Variants in TDRD7 observed in about 807,000 individuals in gnomAD.
TDRD7 encodes the protein tudor domain containing 7.
TDRD7 carries 47 observed loss-of-function variants against 109.8 expected under a neutral mutation model. The ratio of observed to expected loss-of-function variants is 0.43; its 90% confidence interval spans 0.34 to 0.55. The LOEUF is 0.55. Among genes scored for constraint, TDRD7 ranks in the 20% least tolerant of loss-of-function variants. The probability of loss-of-function intolerance (pLI) is 0.03; values close to 1 mark genes in which losing one functional copy is unlikely to be tolerated. For synonymous variants in TDRD7, 424 were observed against 457.3 expected (o/e 0.93, Z 0.93); for missense variants, 1,164 against 1,319.2 (o/e 0.88, Z 1.82).
At chr9:97,442,676 T>C (rs966547688) in intron 6 of TDRD7, among the ~76,000 whole-genome samples, 7 of 152,232 alleles carry the variant, frequency 4.6e-5, no homozygotes, top group Non-Finnish European at 8.8e-5. Context: ...TGCATGAGGA[T>C]TATGTATGCT....
intron 16 of TDRD7, among the ~76,000 whole-genome samples, chr9:97,488,583 T>TTTTTCTTTTTAA (rs1829252354): frequency 6.6e-6 from 1 of 151,898 alleles, no homozygotes; most frequent in Admixed American, 6.5e-5. Flanking sequence ...TTTTTTTGTT[T>TTTTTCTTTTTAA]TCACTTTCTA....
intron 12 of TDRD7, among the ~76,000 whole-genome samples, chr9:97,476,866 G>A (rs1429881539): frequency 6.6e-6 from 1 of 152,042 alleles, no homozygotes; most frequent in Non-Finnish European, 1.5e-5. Context: ...TAATTGAATT[G>A]ATTTTTTTCA....
At chr9:97,433,821 A>G (rs773288280) in intron 4 of TDRD7, among the ~76,000 whole-genome samples, 4 of 152,166 alleles carry the variant, frequency 2.6e-5, no homozygotes, top group Non-Finnish European at 4.4e-5. Context: ...ACCACTTCCC[A>G]CCCAGTAGTA....
intron 10 of TDRD7, 140 bp from the exon 11 acceptor site, chr9:97,473,352 A>G (rs1828954636): frequency 8.8e-7 from 1 of 1,138,886 alleles, no homozygotes; most frequent in South Asian, 1.3e-5. Flanking sequence ...TATAAATTGC[A>G]TTTCATCTTA....
At chr9:97,452,446 T>G (rs982237712) in intron 6 of TDRD7, among the ~76,000 whole-genome samples, 12 of 152,166 alleles carry the variant, frequency 7.9e-5, no homozygotes, top group African/African-American at 2.9e-4. Context: ...ACAAGTGAAA[T>G]GTAGGCACAT....
At chr9:97,485,810 C>G (rs1829202626) in intron 15 of TDRD7, among the ~76,000 whole-genome samples, 1 of 152,006 alleles carries the variant, frequency 6.6e-6, no homozygotes, top group Non-Finnish European at 1.5e-5. Flanking sequence ...AATGAAGAGC[C>G]CAGGTGGGAC....
chr9:97,480,478 CA>C, intron 13 of TDRD7: 1 of 285,546 alleles, frequency 3.5e-6, no homozygotes, highest in South Asian at 4.0e-5. Flanking sequence ...ATAAAAGTCC[CA>C]ACCCTGTCTT....
At position 97,456,246 on chromosome 9, in the gene TDRD7, T is replaced by C. The variant is rs113229972; in HGVS notation, c.856-3932T>C. ...ATCAATATCATGAAAATGGCCATACTGCCCAAAGTGATTTCTAGATTAAAT... is the reference window on the plus strand; with the variant it reads ...ATCAATATCATGAAAATGGCCATACCGCCCAAAGTGATTTCTAGATTAAAT... On this transcript the variant is annotated intron_variant, in intron 6 of 16. Transcript: ENST00000355295. 8.2e-3 allele frequency among the ~76,000 whole-genome samples: 1,255 copies of C among 152,326 alleles called. 43 individuals carry two copies. The East Asian group carries it at 0.11, about 13-fold the overall frequency.
intron 1 of TDRD7, among the ~76,000 whole-genome samples, chr9:97,427,780 C>A (rs192331472): frequency 6.6e-6 from 1 of 152,178 alleles, no homozygotes; most frequent in Admixed American, 6.5e-5. Context: ...TTCCTAAGGC[C>A]CTGTATTGTG....
At chr9:97,490,909 CTTTTT>C (rs1174656625) in intron 16 of TDRD7, among the ~76,000 whole-genome samples, 1 of 77,646 alleles carries the variant, frequency 1.3e-5, no homozygotes, top group Non-Finnish European at 2.3e-5. Context: ...CTTTTCTTTT[CTTTTT>C]TTTTTTTTTT....
At chr9:97,441,128 A>G (rs2118362747) in intron 5 of TDRD7, among the ~76,000 whole-genome samples, 1 of 152,318 alleles carries the variant, frequency 6.6e-6, no homozygotes, top group Admixed American at 6.5e-5. Context: ...GTGTGTTGCT[A>G]AATTATTTGT....
Position 97,475,434 on chromosome 9 carries a change from CT to C in TDRD7, c.2132del (p.Leu711ProfsTer11). The C allele has an allele frequency of 6.2e-7, 1 of 1,613,754 alleles. No individual in the cohort carries two copies. Among genetic ancestry groups the C allele is most frequent in the Non-Finnish European group, 8.5e-7 (1 of 1,179,776 alleles). On this transcript the variant is annotated frameshift_variant, in exon 12 of 17. Transcript: ENST00000355295. LOFTEE classifies it high-confidence loss of function. ...ATTACCCTTCTGTGGGAAAATCTGCCTCTTCCATTGCAAAGGAAAATGGTTA... is the reference window on the plus strand; with the variant it reads ...ATTACCCTTCTGTGGGAAAATCTGCCCTTCCATTGCAAAGGAAAATGGTTA... ...VSLPFCGKIC[L>X]FHCKGKWLRV... is the part of the protein sequence containing the mutation.
chr9:97,460,643 A>G lies in TDRD7; in HGVS notation c.1321A>G (p.Ile441Val), dbSNP rs770802468. 1.2e-6 allele frequency: 2 copies of G among 1,614,216 alleles called. No individual in the cohort carries two copies. The highest frequency in any genetic ancestry group is 1.7e-6 in the Non-Finnish European group (2 of 1,180,030). ...AGAGTATTTGCAGGTAGAAGAAAGC[A>G]TTGCTGAAAGTGCTAATACCTTTAT... ...EQEYLQVEES[I>V]AESANTFMED... The change falls in exon 7 of 17, where the codon ATT becomes GTT. Residue 441 changes from isoleucine to valine, a missense_variant. Physicochemically the swap from Ile to Val is conservative, Grantham distance 29. Around this residue, in one of 5 missense-constraint regions of TDRD7, gnomAD observed 407 missense variants for 394.0 expected, o/e 1.03. Coordinates refer to ENST00000355295, the MANE Select transcript of TDRD7 (RefSeq NM_014290.3).
chr9:97,438,046 C>T (rs1828235024), intron 4 of TDRD7, among the ~76,000 whole-genome samples: 1 of 152,168 alleles, frequency 6.6e-6, no homozygotes, highest in African/African-American at 2.4e-5. Flanking sequence ...TCATATCCCT[C>T]TACCTTCTAC....
At chr9:97,426,675 A>T (rs1267105666) in intron 1 of TDRD7, among the ~76,000 whole-genome samples, 1 of 152,202 alleles carries the variant, frequency 6.6e-6, no homozygotes, top group African/African-American at 2.4e-5. Flanking sequence ...CAGCTCCATT[A>T]TGATTTTACA....
At chr9:97,463,958 A>AG (rs916701959) in intron 7 of TDRD7, among the ~76,000 whole-genome samples, 5 of 152,252 alleles carry the variant, frequency 3.3e-5, no homozygotes, top group Non-Finnish European at 5.9e-5. Flanking sequence ...ATAAGTTTGG[A>AG]GGGGGGGTGT....
chr9:97,432,633 C>T (rs1186830032), intron 4 of TDRD7, among the ~76,000 whole-genome samples: 1 of 152,154 alleles, frequency 6.6e-6, no homozygotes, highest in East Asian at 1.9e-4. Context: ...TAGCATCAGA[C>T]ATCCATGCAT....
intron 16 of TDRD7, among the ~76,000 whole-genome samples, chr9:97,490,531 T>C (rs933938524): frequency 1.5e-5 from 2 of 134,620 alleles, no homozygotes; most frequent in African/African-American, 5.3e-5. Flanking sequence ...GAATGTGATA[T>C]GCCTAGATAT....
chr9:97,416,015 A>C (rs1827805282), intron 1 of TDRD7, among the ~76,000 whole-genome samples: 1 of 152,150 alleles, frequency 6.6e-6, no homozygotes, highest in South Asian at 2.1e-4. Flanking sequence ...TCACTGCCTG[A>C]AGTGATGTTG....
Sources: gnomAD v4.1 joint callset for allele counts (sites outside exome capture counted in the v4.1 genomes callset) on GRCh38, gnomAD v4.1.1 for gene constraint, gnomAD v4.1.1 regional missense constraint, MANE v1.5 for transcripts, NCBI Gene and HGNC (gene_info 2026-07-23, HGNC 2026-07-21) for gene names.